Variants in MYT1L observed in about 807,000 individuals in gnomAD.
MYT1L encodes the protein myelin transcription factor 1-like protein.
Under a neutral mutation model 126.7 loss-of-function variants are expected in MYT1L, and 12 were observed. The observed-to-expected ratio is 0.09, with a 90% CI of 0.06 to 0.15. The LOEUF (loss-of-function observed/expected upper bound fraction) is 0.15. Among genes scored for constraint, MYT1L ranks in the 10% least tolerant of loss-of-function variants. The pLI, the probability that MYT1L is intolerant of heterozygous loss-of-function variation, is 1.00. For synonymous variants in MYT1L, 541 were observed against 604.2 expected (o/e 0.90, Z 1.53); for missense variants, 979 against 1,585.2 (o/e 0.62, Z 6.49).
At chr2:2,020,801 T>A (rs376076455) in intron 4 of MYT1L, among the ~76,000 whole-genome samples, 2 of 152,350 alleles carry the variant, frequency 1.3e-5, no homozygotes, top group East Asian at 3.9e-4. Context: ...GCTCCAGGAT[T>A]TTCTCCTAAT....
chr2:2,296,475 C>T (rs1280959068), intron 1 of MYT1L, among the ~76,000 whole-genome samples: 1 of 152,124 alleles, frequency 6.6e-6, no homozygotes, highest in Non-Finnish European at 1.5e-5. Context: ...TTTGTAATTA[C>T]TATCGAGATA....
At chr2:2,285,626 C>G (rs2095508754) in intron 1 of MYT1L, among the ~76,000 whole-genome samples, 1 of 152,186 alleles carries the variant, frequency 6.6e-6, no homozygotes, top group Admixed American at 6.5e-5. Flanking sequence ...TGCCTAGAAG[C>G]CACACTTTCT....
intron 18 of MYT1L, among the ~76,000 whole-genome samples, chr2:1,872,236 C>T (rs2046366213): frequency 6.6e-6 from 1 of 152,296 alleles, no homozygotes; most frequent in East Asian, 1.9e-4. Flanking sequence ...CCCCAGTCAT[C>T]CACCAGGGCA....
intron 9 of MYT1L, among the ~76,000 whole-genome samples, chr2:1,937,667 G>A (rs561312332): frequency 1.3e-4 from 20 of 151,738 alleles, no homozygotes; most frequent in East Asian, 5.8e-4. Context: ...CCATCAGATC[G>A]CACATCGAGA....
intron 21 of MYT1L, among the ~76,000 whole-genome samples, chr2:1,836,596 T>C (rs1301415495): frequency 6.7e-6 from 1 of 150,214 alleles, no homozygotes; most frequent in Admixed American, 6.6e-5. Context: ...TCCATCAGCC[T>C]GTACCCCAAG....
At chr2:2,246,193 C>T (rs373606208) in intron 2 of MYT1L, among the ~76,000 whole-genome samples, 3 of 152,072 alleles carry the variant, frequency 2.0e-5, no homozygotes, top group African/African-American at 7.2e-5. Context: ...AGAGAGCTAG[C>T]AGAGAGGTGA....
intron 4 of MYT1L, among the ~76,000 whole-genome samples, chr2:1,997,863 C>T (rs1450484519): frequency 2.0e-5 from 3 of 152,190 alleles, no homozygotes; most frequent in South Asian, 2.1e-4. Context: ...AACTAAAAAC[C>T]TTACAAAACA....
intron 1 of MYT1L, among the ~76,000 whole-genome samples, chr2:2,287,377 A>G (rs2095537610): frequency 6.6e-6 from 1 of 152,232 alleles, no homozygotes; most frequent in African/African-American, 2.4e-5. Context: ...ATTTAATGTC[A>G]GGACCATTAT....
At chr2:2,214,202 G>A (rs1428327646) in intron 2 of MYT1L, among the ~76,000 whole-genome samples, 1 of 151,790 alleles carries the variant, frequency 6.6e-6, no homozygotes, top group South Asian at 2.1e-4. Context: ...AACTTCTAGT[G>A]GTCTCATATA....
At chr2:2,274,872 T>C (rs2095327695) in intron 2 of MYT1L, among the ~76,000 whole-genome samples, 2 of 152,000 alleles carry the variant, frequency 1.3e-5, no homozygotes, top group Non-Finnish European at 2.9e-5. Context: ...TATAACCTGG[T>C]CCAGGGCTCA....
chr2:1,905,578 TCCTGACCTCAGGTGATCCA>T (rs1426119255), intron 13 of MYT1L, among the ~76,000 whole-genome samples: 3 of 152,168 alleles, frequency 2.0e-5, no homozygotes, highest in African/African-American at 7.2e-5. Flanking sequence ...GGTCTCCAAC[TCCTGACCTCAGGTGATCCA>T]CCCGCCTCGG....
chr2:1,896,158 G>A (rs568882854), intron 14 of MYT1L, among the ~76,000 whole-genome samples: 5 of 152,276 alleles, frequency 3.3e-5, no homozygotes, highest in African/African-American at 1.2e-4. Context: ...ATACCAGTCT[G>A]AATGGCTATT....
At chr2:1,959,232 A>C (rs555789595) in intron 8 of MYT1L, among the ~76,000 whole-genome samples, 2 of 152,324 alleles carry the variant, frequency 1.3e-5, no homozygotes, top group South Asian at 4.1e-4. Flanking sequence ...CTCTTTCCAG[A>C]TCATGCTCCT....
chr2:1,808,708 T>C (rs1221170773), intron 22 of MYT1L, among the ~76,000 whole-genome samples: 1 of 152,154 alleles, frequency 6.6e-6, no homozygotes, highest in Non-Finnish European at 1.5e-5. Context: ...ATCCTTGTTA[T>C]CTGTGGCCTG....
intron 3 of MYT1L, among the ~76,000 whole-genome samples, chr2:2,092,071 T>C (rs532498069): frequency 6.6e-6 from 1 of 152,234 alleles, no homozygotes; most frequent in African/African-American, 2.4e-5. Context: ...TTTAATTTCA[T>C]TCAAGAATAT....
At chr2:2,139,731 T>C (rs2083661118) in intron 3 of MYT1L, among the ~76,000 whole-genome samples, 2 of 152,164 alleles carry the variant, frequency 1.3e-5, no homozygotes, top group Non-Finnish European at 2.9e-5. Flanking sequence ...GTTCTGTTCC[T>C]CATGTTATGG....
chr2:1,892,107 T>A lies in MYT1L; in HGVS notation c.2213A>T (p.Asn738Ile). The A allele has an allele frequency of 6.5e-7, 1 of 1,545,834 alleles. No individual in the cohort carries two copies. ...AAHMAATAIL[N>I]LSTRCREMPQ... is the part of the protein sequence containing the mutation. ...CATCTCGCGGCAGCGCGTGGACAGG[T>A]TGAGGATGGCGGTGGCCGCCATGTG... Residue 738 changes from asparagine to isoleucine, a missense_variant, in exon 15 of 25, where the codon AAC becomes ATC. By Grantham distance (149) the Asn-to-Ile change is moderately radical. Transcript: ENST00000647738.
At chr2:2,223,503 G>A (rs1419283708) in intron 2 of MYT1L, among the ~76,000 whole-genome samples, 1 of 152,134 alleles carries the variant, frequency 6.6e-6, no homozygotes, top group African/African-American at 2.4e-5. Flanking sequence ...TTGTTTTAAA[G>A]CTAAAATGTA....
At chr2:1,818,363 A>G (rs943696307) in intron 21 of MYT1L, among the ~76,000 whole-genome samples, 5 of 152,232 alleles carry the variant, frequency 3.3e-5, no homozygotes, top group African/African-American at 1.2e-4. Context: ...TCAGCTCCAC[A>G]CAGCCAGGGG....
Sources: allele counts gnomAD v4.1 joint callset (sites outside exome capture counted in the v4.1 genomes callset), GRCh38; gene constraint gnomAD v4.1.1; transcripts MANE v1.5; gene names NCBI Gene and HGNC (gene_info 2026-07-23, HGNC 2026-07-21).